BATF: variants seen among roughly 807,000 people sequenced by gnomAD.
BATF encodes basic leucine zipper transcriptional factor ATF-like.
A neutral mutation model predicts 13.7 loss-of-function variants in BATF; 5 were observed. The observed-to-expected ratio is 0.36, with a 90% CI of 0.19 to 0.77. BATF has a LOEUF of 0.77. Ranked by LOEUF, BATF falls within the 30% of genes least tolerant of loss-of-function variation. The pLI is 0.51. For missense variants in BATF, 124 were observed against 163.0 expected, an observed-to-expected ratio of 0.76 and a Z score of 1.30; for synonymous variants, 72 against 67.5, an observed-to-expected ratio of 1.07 and a Z score of -0.33.
At chr14:75,538,380 G>A (rs907809780) in intron 2 of BATF, among the ~76,000 whole-genome samples, 1 of 152,094 alleles carries the variant, frequency 6.6e-6, no homozygotes, top group Non-Finnish European at 1.5e-5. Flanking sequence ...AACCTCTGGG[G>A]GTCTGGCATC....
chr14:75,546,350 CA>C (rs1333295512), intron 2 of BATF, 111 bp from the exon 3 acceptor site: 13 of 1,051,056 alleles, frequency 1.2e-5, no homozygotes, highest in Non-Finnish European at 1.8e-5. Context: ...TGCCCTTCTC[CA>C]TGGCTGTGCT....
chr14:75,532,393 A>G (rs1566767183), intron 2 of BATF, among the ~76,000 whole-genome samples: 1 of 152,232 alleles, frequency 6.6e-6, no homozygotes, highest in Non-Finnish European at 1.5e-5. Context: ...CAGTATATCC[A>G]TTGTACAATT....
Position 75,546,557 on chromosome 14 carries a change from C to A in BATF, c.264C>A (p.Ser88Arg), listed in dbSNP as rs778874503. Residue 88 changes from serine to arginine, a missense_variant, in exon 3 of 3, where the codon AGC becomes AGA. This residue lies in a region of BATF where 65 missense variants were observed against 113.3 expected (regional missense o/e 0.57). Coordinates refer to ENST00000286639, the MANE Select transcript of BATF (RefSeq NM_006399.5). ...AGTACTTCACGTCGGTGCTGAACAG[C>A]CACGAGCCCCTGTGCTCGGTGCTGG... is the stretch of plus-strand genomic sequence containing the variant. ...ELKYFTSVLN[S>R]HEPLCSVLAA... 3 of 1,614,114 alleles carry A rather than the reference C, an allele frequency of 1.9e-6. No individual in the cohort carries two copies. The highest frequency in any genetic ancestry group is 2.2e-5 in the South Asian group (2 of 91,078).
chr14:75,530,678 T>C (rs1449488793), intron 2 of BATF, among the ~76,000 whole-genome samples: 3 of 152,206 alleles, frequency 2.0e-5, no homozygotes, highest in Non-Finnish European at 4.4e-5. Context: ...TTTATTTATT[T>C]ATTTTTTATT....
intron 2 of BATF, among the ~76,000 whole-genome samples, chr14:75,529,935 G>GT: frequency 6.6e-6 from 1 of 151,962 alleles, no homozygotes; most frequent in Non-Finnish European, 1.5e-5. Flanking sequence ...GTGGTGGCGG[G>GT]TGCCTGTAGT....
chr14:75,536,838 G>T (rs1246609581), intron 2 of BATF, among the ~76,000 whole-genome samples: 1 of 152,196 alleles, frequency 6.6e-6, no homozygotes, highest in Non-Finnish European at 1.5e-5. Flanking sequence ...CTGCCTGGGG[G>T]ATTTCTCTGA....
At chr14:75,538,642 C>T (rs1290959298) in intron 2 of BATF, among the ~76,000 whole-genome samples, 1 of 152,242 alleles carries the variant, frequency 6.6e-6, no homozygotes, top group Admixed American at 6.5e-5. Flanking sequence ...TGGCTCACGC[C>T]TGTAATCCCA....
At chr14:75,544,196 A>G (rs1204419740) in intron 2 of BATF, among the ~76,000 whole-genome samples, 1 of 152,236 alleles carries the variant, frequency 6.6e-6, no homozygotes, top group Non-Finnish European at 1.5e-5. Flanking sequence ...CTGTGGCACT[A>G]GTTAAAAATC....
chr14:75,526,796 A>T (rs1264577095), intron 2 of BATF, among the ~76,000 whole-genome samples: 1 of 152,164 alleles, frequency 6.6e-6, no homozygotes, highest in African/African-American at 2.4e-5. Context: ...TACCACCTTA[A>T]GCTTGAACAT....
Position 75,525,433 on chromosome 14 carries a change from C to T in BATF, c.168+245C>T, listed in dbSNP as rs1304749893. Among the ~76,000 whole-genome samples, 10 of 151,790 alleles carry T rather than the reference C, an allele frequency of 6.6e-5. 1 individual carries two copies. The highest frequency in any genetic ancestry group is 1.3e-4 in the Admixed American group (2 of 15,238). ...ATCCCAGCATTTTGGGAGGCCAAGG[C>T]GGGTGGGTCACCTGAGGTCAGGAGT... On this transcript the variant is annotated intron_variant, in intron 2 of 2. Transcript: ENST00000286639.
chr14:75,545,671 A>G (rs1488829575), intron 2 of BATF, among the ~76,000 whole-genome samples: 2 of 152,122 alleles, frequency 1.3e-5, no homozygotes, highest in African/African-American at 4.8e-5. Flanking sequence ...AGTGGAAAAG[A>G]GTGAAACTGG....
intron 1 of BATF, among the ~76,000 whole-genome samples, chr14:75,523,478 A>G (rs1481165784): frequency 6.6e-6 from 1 of 152,204 alleles, no homozygotes; most frequent in Non-Finnish European, 1.5e-5. Flanking sequence ...AGACTGAGAT[A>G]GGGATTGTGG....
chr14:75,534,107 CT>C (rs1489226722), intron 2 of BATF, among the ~76,000 whole-genome samples: 1 of 152,116 alleles, frequency 6.6e-6, no homozygotes, highest in African/African-American at 2.4e-5. Context: ...GTAAATGTTT[CT>C]TTGTTTAAAG....
intron 2 of BATF, among the ~76,000 whole-genome samples, chr14:75,533,675 C>A (rs1229924690): frequency 6.6e-6 from 1 of 152,060 alleles, no homozygotes; most frequent in Non-Finnish European, 1.5e-5. Context: ...GGGTTGGGTC[C>A]ACAGTATAAA....
At chr14:75,530,018 A>G (rs1212444509) in intron 2 of BATF, among the ~76,000 whole-genome samples, 3 of 149,458 alleles carry the variant, frequency 2.0e-5, no homozygotes, top group Non-Finnish European at 4.4e-5. Context: ...GAACCAAGAT[A>G]GCGCCACTGC....
At position 75,527,868 on chromosome 14, in the gene BATF, C is replaced by T. The variant is rs543849738; in HGVS notation, c.168+2680C>T. ...CTTTTGCCCAATGAGTAGGTCGCAGCGGAGTTGATGCAGCAAGCCTGCGGA... is the reference window on the plus strand; with the variant it reads ...CTTTTGCCCAATGAGTAGGTCGCAGTGGAGTTGATGCAGCAAGCCTGCGGA... On this transcript the variant is annotated intron_variant, in intron 2 of 2. Transcript: ENST00000286639. 2.0e-5 allele frequency among the ~76,000 whole-genome samples: 3 copies of T among 152,312 alleles called. No homozygotes were observed. The South Asian group carries it at 6.2e-4, about 32-fold the overall frequency.
chr14:75,536,655 C>A (rs1033745306), intron 2 of BATF, among the ~76,000 whole-genome samples: 3 of 151,268 alleles, frequency 2.0e-5, no homozygotes, highest in African/African-American at 7.3e-5. Flanking sequence ...TCCAAGAGGT[C>A]GAGGTTGCAG....
intron 2 of BATF, among the ~76,000 whole-genome samples, chr14:75,545,085 G>A (rs905083453): frequency 7.2e-5 from 11 of 152,284 alleles, no homozygotes; most frequent in Middle Eastern, 3.4e-3. Flanking sequence ...AGGGAAAAGA[G>A]TTTCCAGAAA....
At chr14:75,528,570 A>G (rs1887686102) in intron 2 of BATF, among the ~76,000 whole-genome samples, 1 of 152,148 alleles carries the variant, frequency 6.6e-6, no homozygotes, top group Non-Finnish European at 1.5e-5. Context: ...TCAACAAACA[A>G]TCTAATTCTG....
Sources: gnomAD v4.1 joint callset for allele counts (sites outside exome capture counted in the v4.1 genomes callset) on GRCh38, gnomAD v4.1.1 for gene constraint, gnomAD v4.1.1 regional missense constraint, MANE v1.5 for transcripts, NCBI Gene and HGNC (gene_info 2026-07-23, HGNC 2026-07-21) for gene names.